KIR2DL4: variants seen among roughly 807,000 people sequenced by gnomAD.
KIR2DL4 encodes the protein killer cell immunoglobulin-like receptor 2DL4.
A neutral mutation model predicts 31.0 loss-of-function variants in KIR2DL4; 41 were observed. That is an observed-to-expected ratio of 1.32 (90% CI 1.03 to 1.72). The LOEUF is 1.72. KIR2DL4 is among the 40% of genes most tolerant of loss of function. The pLI, the probability that KIR2DL4 is intolerant of heterozygous loss-of-function variation, is 0.00. For missense variants in KIR2DL4, 438 were observed against 353.7 expected, an observed-to-expected ratio of 1.24 and a Z score of -1.91; for synonymous variants, 164 against 133.6, an observed-to-expected ratio of 1.23 and a Z score of -1.57.
exon 3 of KIR2DL4, chr19:54,804,926 C>A: frequency 6.2e-7 from 1 of 1,612,256 alleles, no homozygotes. Context: ...GGGTCCCTGT[C>A]CCTGAGCTCT....
At chr19:54,810,857 C>T (rs1372665626) in intron 5 of KIR2DL4, among the ~76,000 whole-genome samples, 2 of 151,336 alleles carry the variant, frequency 1.3e-5, no homozygotes, top group African/African-American at 2.4e-5. Context: ...GTGGAAAAGG[C>T]AATTCCCGCC....
intron 5 of KIR2DL4, among the ~76,000 whole-genome samples, chr19:54,812,233 T>C (rs1422214990): frequency 4.6e-5 from 7 of 151,254 alleles, no homozygotes; most frequent in South Asian, 4.2e-4. Context: ...TACTTATAGA[T>C]AAGCAGCGAG....
chr19:54,806,876 A>C (rs1376907345), intron 4 of KIR2DL4, among the ~76,000 whole-genome samples: 4 of 150,648 alleles, frequency 2.7e-5, no homozygotes, highest in Non-Finnish European at 5.9e-5. Flanking sequence ...TTAGCCAGGC[A>C]TGGTGCCAGG....
At chr19:54,805,969 C>T (rs1004885303) in exon 4 of KIR2DL4, 24 of 1,607,240 alleles carry the variant, frequency 1.5e-5, no homozygotes, top group Middle Eastern at 1.7e-4. Flanking sequence ...GAGAAACCTT[C>T]GCTTACAGCC....
intron 5 of KIR2DL4, among the ~76,000 whole-genome samples, chr19:54,809,212 A>C (rs600898): frequency 0.32 from 48,343 of 150,138 alleles, 8,561 homozygotes; most frequent in South Asian, 0.4. Flanking sequence ...AGGGGAAGGA[A>C]GGGGAACATT....
At chr19:54,808,705 G>C in intron 4 of KIR2DL4, 128 bp from the exon 5 acceptor site, 1 of 776,790 alleles carries the variant, frequency 1.3e-6, no homozygotes, top group Admixed American at 1.8e-5. Flanking sequence ...ATGGAGAATG[G>C]GATGCCAGGA....
intron 4 of KIR2DL4, 50 bp from the exon 5 acceptor site, chr19:54,808,783 A>G: frequency 7.7e-7 from 1 of 1,301,746 alleles, no homozygotes; most frequent in Non-Finnish European, 1.1e-6. Flanking sequence ...TCCATTGAGT[A>G]GAAGACAGGC....
chr19:54,803,681 G>C, exon 1 of KIR2DL4: 1 of 1,612,192 alleles, frequency 6.2e-7, no homozygotes, highest in East Asian at 2.2e-5. Flanking sequence ...TCATCATCCT[G>C]GCATGTCTTG....
At position 54,808,782 on chromosome 19, in the gene KIR2DL4, T is replaced by A. The variant is rs1330698501; in HGVS notation, c.656-51T>A. ...ACCAACCTCAAAGATTTCCATTGAG[T>A]AGAAGACAGGCATCCTCATTGCCAC... is the stretch of plus-strand genomic sequence containing the variant. On this transcript the variant is annotated intron_variant, in intron 4 of 7. Coordinates refer to ENST00000359085, the Ensembl canonical transcript of KIR2DL4. 13 of 1,266,692 alleles carry A rather than the reference T, an allele frequency of 1.0e-5. No individual in the cohort carries two copies. In the South Asian group the frequency reaches 1.3e-4, roughly 13 times the overall value. 78.5% of individuals were successfully genotyped at this position (1,266,692 alleles called of 1,614,324 possible). A position where few individuals can be genotyped will look rare whatever the true frequency, so the allele number is the denominator to read the frequency against.
rs755387785 is a variant in KIR2DL4 at position 54,813,335 on chromosome 19, G to T, written c.810+107G>T. 4.1e-3 allele frequency: 6,235 copies of T among 1,533,288 alleles called. 61 individuals are homozygous for T. Among genetic ancestry groups the T allele is most frequent in the Non-Finnish European group, 5.0e-3 (5,770 of 1,143,050 alleles). 95.0% of individuals were successfully genotyped at this position (1,533,288 alleles called of 1,614,324 possible). A position where few individuals can be genotyped will look rare whatever the true frequency, so the allele number is the denominator to read the frequency against. The stretch of plus-strand genomic sequence containing the variant: ...CTGGCAGGAAAGTCTCTGGCCCAAG[G>T]CAGGAGCCAGAGGCAGAGCTTTCTA... On this transcript the variant is annotated intron_variant, in intron 6 of 7. Transcript: ENST00000359085.
intron 4 of KIR2DL4, among the ~76,000 whole-genome samples, chr19:54,807,649 G>T (rs1299823971): frequency 2.7e-5 from 4 of 149,322 alleles, no homozygotes; most frequent in East Asian, 1.9e-4. Context: ...TGTTAGCCAG[G>T]CTGGTCTCGA....
rs1158893763 is a variant in KIR2DL4 at position 54,804,642 on chromosome 19, C to T, written c.77-151C>T. The T allele has an allele frequency of 2.6e-5, 19 of 743,392 alleles. No individual in the cohort carries two copies. In the South Asian group the frequency reaches 2.7e-4, roughly 11 times the overall value. The allele number at this position is 743,392 out of a possible 1,614,324, so 46.0% of individuals were successfully genotyped here. ...ACACTTTTGTTGTAGGGAGACGCCACGTCTATGCGGGATGGGTCCTTCCTG... is the reference window on the plus strand; with the variant it reads ...ACACTTTTGTTGTAGGGAGACGCCATGTCTATGCGGGATGGGTCCTTCCTG... On this transcript the variant is annotated intron_variant, in intron 2 of 7. Transcript: ENST00000359085.
At chr19:54,813,186 C>G in exon 6 of KIR2DL4, 3 of 1,538,266 alleles carry the variant, frequency 2.0e-6, no homozygotes, top group Non-Finnish European at 2.6e-6. Flanking sequence ...TCTTTACCAT[C>G]CTTCCCTTCT....
chr19:54,813,984 C>T, exon 8 of KIR2DL4: 2 of 1,612,490 alleles, frequency 1.2e-6, no homozygotes, highest in South Asian at 2.2e-5. Context: ...CTTCCAAATG[C>T]TGAGCCCAGA....
At chr19:54,813,249 G>C in intron 6 of KIR2DL4, 1 of 1,597,112 alleles carries the variant, frequency 6.3e-7, no homozygotes, top group Non-Finnish European at 8.5e-7. Flanking sequence ...CGAAGCAGAG[G>C]CCAGAGAACT....
intron 6 of KIR2DL4, chr19:54,813,256 A>C: frequency 6.3e-7 from 1 of 1,597,068 alleles, no homozygotes; most frequent in Non-Finnish European, 8.5e-7. Flanking sequence ...GAGGCCAGAG[A>C]ACTCAGGGCC....
At chr19:54,807,149 G>A (rs2060578048) in intron 4 of KIR2DL4, among the ~76,000 whole-genome samples, 2 of 151,050 alleles carry the variant, frequency 1.3e-5, no homozygotes, top group African/African-American at 2.5e-5. Flanking sequence ...AGTAAGAAAT[G>A]GCAATCCTTG....
chr19:54,805,670 C>T lies in KIR2DL4; in HGVS notation c.362-281C>T, dbSNP rs372323051. ...CCGCCATGTTTGTGATAATTTTCTC[C>T]AGCAACAACAGGAAACCAACACAGG... On this transcript the variant is annotated intron_variant, in intron 3 of 7. Coordinates refer to ENST00000359085, the Ensembl canonical transcript of KIR2DL4. Among the ~76,000 whole-genome samples the T allele has an allele frequency of 6.7e-4, 101 of 151,178 alleles. 1 individual carries two copies. Among genetic ancestry groups the T allele is most frequent in the African/African-American group, 2.4e-3 (98 of 40,940 alleles).
intron 2 of KIR2DL4, among the ~76,000 whole-genome samples, 198 bp from the exon 3 acceptor site, chr19:54,804,595 G>A (rs374093219): frequency 0.012 from 1,831 of 151,294 alleles, 102 homozygotes; most frequent in African/African-American, 0.041. Flanking sequence ...CCCTTACTCA[G>A]CACCTGCTCA....
Sources: allele counts gnomAD v4.1 joint callset (sites outside exome capture counted in the v4.1 genomes callset), GRCh38; gene constraint gnomAD v4.1.1; transcripts MANE v1.5; gene names NCBI Gene and HGNC (gene_info 2026-07-23, HGNC 2026-07-21).